The following UBR1 variants were observed in gnomAD, a reference collection of about 807,000 sequenced individuals.
UBR1 encodes E3 ubiquitin-protein ligase UBR1.
A neutral mutation model predicts 242.1 loss-of-function variants in UBR1; 102 were observed. That is an observed-to-expected ratio of 0.42 (90% CI 0.36 to 0.50). UBR1 has a LOEUF of 0.50. Among genes scored for constraint, UBR1 ranks in the 20% least tolerant of loss-of-function variants. The probability of loss-of-function intolerance (pLI) is 0.01; values close to 1 mark genes in which losing one functional copy is unlikely to be tolerated. For synonymous variants in UBR1, 675 were observed against 684.8 expected, an observed-to-expected ratio of 0.99 and a Z score of 0.22; for missense variants, 1,772 against 2,101.8, an observed-to-expected ratio of 0.84 and a Z score of 3.07.
chr15:43,106,003 C>G lies in UBR1; in HGVS notation c.20G>C (p.Gly7Ala), dbSNP rs141411839. 1.3e-5 allele frequency: 21 copies of G among 1,613,666 alleles called. No homozygotes were observed. Among genetic ancestry groups the G allele is most frequent in the East Asian group, 4.5e-5 (2 of 44,872 alleles). The change falls in exon 1 of 47, where the codon GGA (glycine) becomes GCA (alanine). Residue 7 changes from glycine (G) to alanine (A), a missense_variant. By Grantham distance (60) the Gly-to-Ala change is moderately conservative. Around this residue, in one of 3 missense-constraint regions of UBR1, gnomAD observed 734 missense variants for 893.3 expected, o/e 0.82. Transcript: ENST00000290650. Reference sequence around the variant, plus strand: ...GCTGATTTCCATCCTCTCAGTACCTCCAGCCTCCTCGTCCGCCATCTTGAG... The same window carrying G: ...GCTGATTTCCATCCTCTCAGTACCTGCAGCCTCCTCGTCCGCCATCTTGAG... MADEEA[G>A]GTERMEISAE...
In UBR1 at chr15:43,068,023, T is replaced by C; in HGVS notation, c.673A>G (p.Arg225Gly). 6.2e-7 allele frequency: 1 copy of C among 1,608,984 alleles called. No homozygotes were observed. The change falls in exon 6 of 47, where the codon AGA (arginine) becomes GGA (glycine). Residue 225 changes from arginine to glycine, a missense_variant. Physicochemically the swap from Arg to Gly is moderately radical, Grantham distance 125. Coordinates refer to ENST00000290650, the MANE Select transcript of UBR1 (RefSeq NM_174916.3). ...TCATTGAAAAGGACACAATAGTATC[T>C]TTCATTTTTCTCCCTGTTAGAAAAA... is the stretch of plus-strand genomic sequence containing the variant. ...PELQIREKNE[R>G]YYCVLFNDEH... is the part of the protein sequence containing the mutation.
At chr15:43,000,378 A>T (rs1265710574) in intron 32 of UBR1, among the ~76,000 whole-genome samples, 1 of 152,256 alleles carries the variant, frequency 6.6e-6, no homozygotes, top group Non-Finnish European at 1.5e-5. Flanking sequence ...TGATCCTTAA[A>T]GTCATCAAGG....
chr15:43,020,198 C>A (rs1193428567), intron 27 of UBR1, among the ~76,000 whole-genome samples: 2 of 152,138 alleles, frequency 1.3e-5, no homozygotes, highest in African/African-American at 4.8e-5. Context: ...CCCCACCATG[C>A]CTGGCTAATT....
intron 5 of UBR1, 151 bp from the exon 6 acceptor site, chr15:43,068,187 T>A (rs2033779220): frequency 6.5e-6 from 2 of 309,294 alleles, no homozygotes; most frequent in South Asian, 7.5e-5. Context: ...GAATTTGATT[T>A]TTTTTTTTTT....
At chr15:43,092,229 A>G in intron 1 of UBR1, 1 of 292,152 alleles carries the variant, frequency 3.4e-6, no homozygotes, top group Non-Finnish European at 6.9e-6. Flanking sequence ...GGCCCAGCTC[A>G]AGGCCAACCT....
At chr15:43,060,803 C>T (rs1243199669) in intron 6 of UBR1, among the ~76,000 whole-genome samples, 1 of 152,100 alleles carries the variant, frequency 6.6e-6, no homozygotes, top group Non-Finnish European at 1.5e-5. Context: ...TTCAGAGATC[C>T]ATGACAAGCA....
intron 33 of UBR1, among the ~76,000 whole-genome samples, chr15:42,991,096 G>A (rs897279127): frequency 6.6e-6 from 1 of 151,782 alleles, no homozygotes; most frequent in Non-Finnish European, 1.5e-5. Context: ...CCAACATGGT[G>A]AAACCTCATC....
At chr15:43,073,275 G>A (rs1037738307) in intron 4 of UBR1, among the ~76,000 whole-genome samples, 1 of 152,152 alleles carries the variant, frequency 6.6e-6, no homozygotes, top group Non-Finnish European at 1.5e-5. Context: ...CCATTGTAAA[G>A]TTTCAGTTTT....
chr15:43,023,750 C>A (rs1379744342), intron 25 of UBR1, among the ~76,000 whole-genome samples: 3 of 151,988 alleles, frequency 2.0e-5, no homozygotes, highest in Admixed American at 1.3e-4. Context: ...GAAGTAGGCA[C>A]TTTTGACCAT....
At chr15:43,105,393 T>C (rs2034284314) in intron 1 of UBR1, among the ~76,000 whole-genome samples, 1 of 152,222 alleles carries the variant, frequency 6.6e-6, no homozygotes, top group Non-Finnish European at 1.5e-5. Flanking sequence ...GAGTCCTTTC[T>C]TCACCTTTAA....
chr15:42,977,950 AAAAC>A lies in UBR1; in HGVS notation c.4151-7_4151-4del, dbSNP rs1343758168. ...TGATTTTATGTTAGGAAGAACAACTAAAACAAACAAAAAGTTAATGTAATTCAGT... is the reference window on the plus strand; with the variant it reads ...TGATTTTATGTTAGGAAGAACAACTAAAACAAAAAGTTAATGTAATTCAGT... On this transcript the variant is annotated splice_polypyrimidine_tract_variant and splice_region_variant and intron_variant, in intron 37 of 46. Transcript: ENST00000290650. 1.2e-6 allele frequency: 2 copies of A among 1,609,176 alleles called. No individual in the cohort carries two copies. The highest frequency in any genetic ancestry group is 1.7e-6 in the Non-Finnish European group (2 of 1,175,902).
intron 21 of UBR1, among the ~76,000 whole-genome samples, chr15:43,029,013 A>T (rs1332461968): frequency 1.3e-5 from 2 of 152,122 alleles, no homozygotes; most frequent in Admixed American, 1.3e-4. Flanking sequence ...TGAACCCGGG[A>T]GACGGAGGTT....
At chr15:43,064,533 G>A (rs912107393) in intron 6 of UBR1, among the ~76,000 whole-genome samples, 10 of 151,784 alleles carry the variant, frequency 6.6e-5, no homozygotes, top group Non-Finnish European at 1.3e-4. Context: ...CTCAATACAA[G>A]GATGGCCAAT....
intron 32 of UBR1, 144 bp downstream of exon 32, chr15:43,002,411 G>C (rs1193362742): frequency 1.1e-6 from 1 of 909,158 alleles, no homozygotes; most frequent in Non-Finnish European, 1.7e-6. Context: ...TGTAGAGATG[G>C]GGTTTTACCA....
At chr15:43,040,946 A>C (rs923081447) in intron 15 of UBR1, among the ~76,000 whole-genome samples, 14 of 152,124 alleles carry the variant, frequency 9.2e-5, no homozygotes, top group African/African-American at 3.1e-4. Context: ...GGAAACAACA[A>C]GTGCTGGAGA....
Position 43,059,796 on chromosome 15 carries a change from T to C in UBR1, c.891A>G (p.Pro297=), listed in dbSNP as rs564328078. The change falls in exon 8 of 47, where the codon CCA becomes CCG. Residue 297 remains proline (P), a synonymous_variant. Transcript: ENST00000290650. ...CTGAGTGTAATACTTCTACATGAAG[T>C]GGATGTTGAGAGACATTTTCTGAAT... ...KSHSENVSQH[P]LHVEVLHSEI... is the part of the protein sequence containing the mutation. 1.6e-4 allele frequency: 258 copies of C among 1,614,078 alleles called. 3 individuals are homozygous for C. In the Middle Eastern group the frequency reaches 5.0e-3, roughly 31 times the overall value.
Position 42,945,068 on chromosome 15 carries a change from G to A in UBR1, c.*261C>T. On this transcript the variant is annotated 3_prime_UTR_variant, in exon 47 of 47. Coordinates refer to ENST00000290650, the MANE Select transcript of UBR1 (RefSeq NM_174916.3). ...CCAAGTGGATGAAATAAAATGAAAT[G>A]AGACAAATTATGAAGGGGAATAAAT... The A allele has an allele frequency of 2.2e-6, 1 of 462,124 alleles. No homozygotes were observed. 28.6% of individuals were successfully genotyped at this position (462,124 alleles called of 1,614,324 possible).
chr15:43,094,864 G>A (rs1205313425), intron 1 of UBR1, among the ~76,000 whole-genome samples: 1 of 152,156 alleles, frequency 6.6e-6, no homozygotes, highest in African/African-American at 2.4e-5. Context: ...CACATGACAA[G>A]TCCACTCTCT....
In UBR1 at chr15:43,047,148, A is replaced by C; in HGVS notation, c.1668+13T>G. The stretch of plus-strand genomic sequence containing the variant: ...TTAAAAAGGCACTGATCCTACTAAC[A>C]AATTTTACTTACATCACAAGCACAC... On this transcript the variant is annotated intron_variant, in intron 14 of 46. Transcript: ENST00000290650. The C allele has an allele frequency of 6.2e-7, 1 of 1,614,078 alleles. No individual in the cohort carries two copies. The highest frequency in any genetic ancestry group is 8.5e-7 in the Non-Finnish European group (1 of 1,179,992).
Sources: allele counts gnomAD v4.1 joint callset (sites outside exome capture counted in the v4.1 genomes callset), GRCh38; gene constraint gnomAD v4.1.1; regional missense constraint gnomAD v4.1.1; transcripts MANE v1.5; gene names NCBI Gene and HGNC (gene_info 2026-07-23, HGNC 2026-07-21).